Variants in IL1RAPL1 observed in about 807,000 individuals in gnomAD.
IL1RAPL1 encodes interleukin 1 receptor accessory protein like 1.
Under a neutral mutation model 48.4 loss-of-function variants are expected in IL1RAPL1, and 3 were observed. The ratio of observed to expected loss-of-function variants is 0.06; its 90% CI spans 0.03 to 0.16. The LOEUF is 0.16. Among genes scored for constraint, IL1RAPL1 ranks in the 10% least tolerant of loss-of-function variants. The pLI is 1.00. For synonymous variants in IL1RAPL1, 185 were observed against 187.7 expected (o/e 0.99, Z 0.12); for missense variants, 349 against 530.6 (o/e 0.66, Z 3.36).
At chrX:29,535,721 T>A (rs914371832) in intron 5 of IL1RAPL1, among the ~76,000 whole-genome samples, 1 of 111,795 alleles carries the variant, frequency 8.9e-6, no homozygotes. Flanking sequence ...TAGTACTTAG[T>A]ATGTGAAGAA....
At chrX:28,769,546 G>A (rs1322313505) in intron 1 of IL1RAPL1, among the ~76,000 whole-genome samples, 1 of 111,570 alleles carries the variant, frequency 9.0e-6, no homozygotes, top group Non-Finnish European at 1.9e-5. Context: ...ATCATGACAA[G>A]GACATATTGA....
At chrX:28,710,335 A>G (rs1935426595) in intron 1 of IL1RAPL1, among the ~76,000 whole-genome samples, 1 of 100,340 alleles carries the variant, frequency 1.0e-5, no homozygotes, top group African/African-American at 3.7e-5. Context: ...AAAGGAGATC[A>G]GGTAAATAGG....
chrX:29,024,044 G>A (rs1288610515), intron 2 of IL1RAPL1, among the ~76,000 whole-genome samples: 2 of 111,619 alleles, frequency 1.8e-5, no homozygotes, highest in African/African-American at 6.5e-5. Flanking sequence ...ATAGTGTACT[G>A]TCATTTCATG....
At chrX:29,639,553 T>G (rs922247156) in intron 5 of IL1RAPL1, among the ~76,000 whole-genome samples, 11 of 108,022 alleles carry the variant, frequency 1.0e-4, no homozygotes, top group Non-Finnish European at 1.9e-4. Flanking sequence ...AAGTTTTTTT[T>G]TTTTTTTTTT....
chrX:29,460,362 C>T (rs907030282), intron 5 of IL1RAPL1, among the ~76,000 whole-genome samples: 14 of 112,196 alleles, frequency 1.2e-4, no homozygotes, highest in African/African-American at 3.2e-4. Context: ...TGGAGACATT[C>T]ACATTTGCTG....
chrX:28,808,332 C>T (rs1329191884), intron 2 of IL1RAPL1, among the ~76,000 whole-genome samples: 1 of 110,806 alleles, frequency 9.0e-6, no homozygotes. Context: ...GTGGTTATAC[C>T]ACACCATCTG....
chrX:29,789,203 C>T (rs994265285), intron 6 of IL1RAPL1, among the ~76,000 whole-genome samples: 1 of 111,627 alleles, frequency 9.0e-6, no homozygotes, highest in East Asian at 2.8e-4. Flanking sequence ...CTTTTGAGTG[C>T]GTGTGTTAGC....
At position 28,725,483 on chromosome X, in the gene IL1RAPL1, G is replaced by T. The variant is rs191436779; in HGVS notation, c.-24-63837G>T. Among the ~76,000 whole-genome samples the T allele has an allele frequency of 5.2e-3, 581 of 111,856 alleles. 1 individual carries two copies. Among genetic ancestry groups the T allele is most frequent in the Non-Finnish European group, 8.4e-3 (447 of 53,213 alleles). On this transcript the variant is annotated intron_variant, in intron 1 of 10. Transcript: ENST00000378993. ...GGGTAATTATGATAGATATAACTCAGAATACGCATAGGTCAAGGCATGGGA... is the reference window on the plus strand; with the variant it reads ...GGGTAATTATGATAGATATAACTCATAATACGCATAGGTCAAGGCATGGGA...
At chrX:29,471,288 G>A (rs1332669300) in intron 5 of IL1RAPL1, among the ~76,000 whole-genome samples, 3 of 111,426 alleles carry the variant, frequency 2.7e-5, no homozygotes, top group Non-Finnish European at 1.9e-5. Flanking sequence ...TTTAGCTTCA[G>A]TAAATCTACA....
At chrX:29,738,573 G>A (rs753750061) in intron 6 of IL1RAPL1, among the ~76,000 whole-genome samples, 53 of 107,708 alleles carry the variant, frequency 4.9e-4, no homozygotes, top group Non-Finnish European at 9.2e-4. Flanking sequence ...AGCCTACTGA[G>A]TAGCTGGGCT....
chrX:29,331,989 C>T (rs913946049), intron 3 of IL1RAPL1, among the ~76,000 whole-genome samples: 4 of 107,333 alleles, frequency 3.7e-5, no homozygotes, highest in Non-Finnish European at 5.8e-5. Context: ...GTTTGATGTG[C>T]AATAAGTTAA....
chrX:29,554,823 G>A (rs1379257588), intron 5 of IL1RAPL1, among the ~76,000 whole-genome samples: 3 of 111,768 alleles, frequency 2.7e-5, no homozygotes, highest in African/African-American at 6.5e-5. Context: ...TAATACTGTG[G>A]TAACTGGGAG....
chrX:29,420,121 C>T lies in IL1RAPL1; in HGVS notation c.703+20813C>T, dbSNP rs775650894. ...GGAAGGTGCCCAGGTCTCTAAATCA[C>T]ATAATGGGGGGAATTTGGTCACTGA... On this transcript the variant is annotated intron_variant, in intron 5 of 10. Transcript: ENST00000378993. Among the ~76,000 whole-genome samples the T allele has an allele frequency of 3.6e-5, 4 of 111,777 alleles. No homozygotes were observed. The South Asian group carries it at 1.5e-3, about 43-fold the overall frequency.
At chrX:29,633,468 T>TATATAC (rs762146549) in intron 5 of IL1RAPL1, among the ~76,000 whole-genome samples, 32 of 97,753 alleles carry the variant, frequency 3.3e-4, no homozygotes, top group Non-Finnish European at 4.8e-4. Flanking sequence ...GATATATATA[T>TATATAC]ACACACACAC....
At chrX:28,990,875 A>G (rs894393864) in intron 2 of IL1RAPL1, among the ~76,000 whole-genome samples, 5 of 111,710 alleles carry the variant, frequency 4.5e-5, no homozygotes, top group Non-Finnish European at 7.5e-5. Flanking sequence ...CTATAATTTT[A>G]AATACCTCAA....
chrX:28,654,097 G>A lies in IL1RAPL1; in HGVS notation c.-25+66050G>A, dbSNP rs1934721070. Reference sequence around the variant, plus strand: ...GCTACTATGGGGCTAAGGCAGGAGTGAATAGTTGCTGCTTTAGGCAACTCC... The same window carrying A: ...GCTACTATGGGGCTAAGGCAGGAGTAAATAGTTGCTGCTTTAGGCAACTCC... On this transcript the variant is annotated intron_variant, in intron 1 of 10. Coordinates refer to ENST00000378993, the MANE Select transcript of IL1RAPL1 (RefSeq NM_014271.4). 4.6e-5 allele frequency among the ~76,000 whole-genome samples: 5 copies of A among 109,879 alleles called. No individual in the cohort carries two copies. In the South Asian group the frequency reaches 1.2e-3, roughly 26 times the overall value.
At chrX:29,060,104 CA>C (rs1264778779) in intron 2 of IL1RAPL1, among the ~76,000 whole-genome samples, 2 of 111,635 alleles carry the variant, frequency 1.8e-5, no homozygotes, top group Non-Finnish European at 3.8e-5. Flanking sequence ...GAGAGGCAGA[CA>C]AATTAATGTA....
intron 3 of IL1RAPL1, among the ~76,000 whole-genome samples, chrX:29,354,381 A>T (rs760557035): frequency 8.9e-6 from 1 of 112,013 alleles, no homozygotes; most frequent in East Asian, 2.8e-4. Context: ...GGTAATACAG[A>T]TTCTCCTCTG....
chrX:28,805,790 C>T (rs1215142685), intron 2 of IL1RAPL1, among the ~76,000 whole-genome samples: 2 of 110,557 alleles, frequency 1.8e-5, no homozygotes, highest in Admixed American at 1.9e-4. Context: ...GTTTTATTTA[C>T]CTAACTAAAT....
Sources: allele counts gnomAD v4.1 joint callset (sites outside exome capture counted in the v4.1 genomes callset), GRCh38; gene constraint gnomAD v4.1.1; transcripts MANE v1.5; gene names NCBI Gene and HGNC (gene_info 2026-07-23, HGNC 2026-07-21).